The following RBM20 variants were observed in gnomAD, a reference collection of about 807,000 sequenced individuals.
The protein encoded by RBM20 is RNA binding motif protein 20, also known as RNA-binding protein 20.
In RBM20, 51 loss-of-function variants were observed where a neutral mutation model predicts 110.1. That is an observed-to-expected ratio of 0.46 (90% confidence interval 0.37 to 0.59). The LOEUF (loss-of-function observed/expected upper bound fraction) is 0.59. Among genes scored for constraint, RBM20 ranks in the 20% least tolerant of loss-of-function variants. The probability of loss-of-function intolerance (pLI) is 0.00; values close to 1 mark genes in which losing one functional copy is unlikely to be tolerated. For missense variants in RBM20, 1,512 were observed against 1,574.9 expected (o/e 0.96, Z 0.68); for synonymous variants, 589 against 618.2 (o/e 0.95, Z 0.70).
At chr10:110,784,073 G>A (rs1844388338) in intron 3 of RBM20, among the ~76,000 whole-genome samples, 1 of 152,152 alleles carries the variant, frequency 6.6e-6, no homozygotes, top group Non-Finnish European at 1.5e-5. Context: ...GTTGTAATAT[G>A]TACAACCTTT....
Position 110,812,942 on chromosome 10 carries a change from A to T in RBM20, c.2545A>T (p.Asn849Tyr), listed in dbSNP as rs1419975027. 1 of 1,449,090 alleles carries T rather than the reference A, an allele frequency of 6.9e-7. No homozygotes were observed. The highest frequency in any genetic ancestry group is 2.9e-5 in the Admixed American group (1 of 34,740). The allele number at this position is 1,449,090 out of a possible 1,614,324, so 89.8% of individuals were successfully genotyped here. The change falls in exon 9 of 14, where the codon AAT becomes TAT. Residue 849 changes from asparagine (N) to tyrosine (Y), a missense_variant. Asn to Tyr is a moderately radical substitution (Grantham distance 143, BLOSUM62 -2). Transcript: ENST00000369519. ...TAGAAAAGAAAACACAATGGCAGAG[A>T]ATGAGGTAATGATCAATTTCTTCCC... is the stretch of plus-strand genomic sequence containing the variant. ...DDRKENTMAE[N>Y]EAGKEEQEGM... is the part of the protein sequence containing the mutation.
At chr10:110,659,752 T>TTCTTCC (rs1382813847) in intron 1 of RBM20, among the ~76,000 whole-genome samples, 1 of 151,720 alleles carries the variant, frequency 6.6e-6, no homozygotes. Context: ...CTTCCTCTTC[T>TTCTTCC]TCTTCCTCTT....
rs944650045 is a variant in RBM20, at chr10:110,647,964, G to A, written c.191+3319G>A. On this transcript the variant is annotated intron_variant, in intron 1 of 13. Coordinates refer to ENST00000369519, the MANE Select transcript of RBM20 (RefSeq NM_001134363.3). ...CATGGAGGAAAGAAACCAAACACGT[G>A]CACCCCTCTTATGAAGTGAATGTAG... is the stretch of plus-strand genomic sequence containing the variant. 2.0e-5 allele frequency among the ~76,000 whole-genome samples: 3 copies of A among 152,260 alleles called. No individual in the cohort carries two copies. The East Asian group carries it at 5.8e-4, about 29-fold the overall frequency.
At chr10:110,810,029 C>G (rs1022580282) in intron 7 of RBM20, among the ~76,000 whole-genome samples, 1 of 152,170 alleles carries the variant, frequency 6.6e-6, no homozygotes, top group African/African-American at 2.4e-5. Flanking sequence ...TGCCTGCCTT[C>G]CTTCCCTCCC....
intron 1 of RBM20, among the ~76,000 whole-genome samples, chr10:110,654,983 C>G (rs539024291): frequency 6.6e-6 from 1 of 152,288 alleles, no homozygotes; most frequent in Non-Finnish European, 1.5e-5. Flanking sequence ...TTCTCCCCAT[C>G]ATGCAGATGA....
intron 1 of RBM20, among the ~76,000 whole-genome samples, chr10:110,735,068 A>G (rs1843657340): frequency 6.6e-6 from 1 of 152,212 alleles, no homozygotes. Context: ...CTGTCGAGGT[A>G]TCGCAGGGCT....
chr10:110,831,007 G>A, intron 12 of RBM20, 54 bp from the exon 13 acceptor site: 1 of 1,498,384 alleles, frequency 6.7e-7, no homozygotes, highest in African/African-American at 1.4e-5. Flanking sequence ...GGACACAGGG[G>A]CCTGCCTCCC....
intron 1 of RBM20, among the ~76,000 whole-genome samples, chr10:110,670,613 A>G (rs562440257): frequency 2.2e-4 from 33 of 152,308 alleles, no homozygotes; most frequent in South Asian, 8.3e-4. Flanking sequence ...TGCCAGCATG[A>G]TCCTCCTTCC....
Position 110,821,865 on chromosome 10 carries a change from G to T in RBM20, c.3246G>T (p.Leu1082=). 1 of 1,551,740 alleles carries T rather than the reference G, an allele frequency of 6.4e-7. No individual in the cohort carries two copies. The highest frequency in any genetic ancestry group is 1.4e-5 in the African/African-American group (1 of 73,176). The change falls in exon 11 of 14, where the codon CTG becomes CTT. Residue 1082 remains leucine, a synonymous_variant. Coordinates refer to ENST00000369519, the MANE Select transcript of RBM20 (RefSeq NM_001134363.3). The part of the protein sequence containing the change: ...PEDGACEGSP[L]EEKASPPIET... ...ATGGGGCTTGTGAAGGCAGCCCCCT[G>T]GAGGAGAAAGCCAGCCCCCCCATCG...
At chr10:110,648,714 A>AGGG (rs11425051) in intron 1 of RBM20, among the ~76,000 whole-genome samples, 16 of 145,984 alleles carry the variant, frequency 1.1e-4, no homozygotes, top group African/African-American at 4.2e-4. Flanking sequence ...AGGGAAGAAA[A>AGGG]GGGGGGGGTG....
At chr10:110,721,000 C>T (rs955562130) in intron 1 of RBM20, among the ~76,000 whole-genome samples, 1 of 152,214 alleles carries the variant, frequency 6.6e-6, no homozygotes, top group Non-Finnish European at 1.5e-5. Context: ...GACCTTCGCT[C>T]CCTGCTGCCT....
chr10:110,809,932 C>G (rs1844743317), intron 7 of RBM20, among the ~76,000 whole-genome samples: 1 of 152,192 alleles, frequency 6.6e-6, no homozygotes, highest in Admixed American at 6.5e-5. Flanking sequence ...CCTGCCTCAA[C>G]CTCTCTGGCT....
chr10:110,795,759 T>C (rs1343644424), intron 5 of RBM20, among the ~76,000 whole-genome samples: 1 of 152,232 alleles, frequency 6.6e-6, no homozygotes, highest in Non-Finnish European at 1.5e-5. Flanking sequence ...GGTTGGCTTA[T>C]GGTTACTAAT....
At chr10:110,766,908 A>G (rs1207424084) in intron 1 of RBM20, among the ~76,000 whole-genome samples, 2 of 147,878 alleles carry the variant, frequency 1.4e-5, no homozygotes, top group African/African-American at 5.0e-5. Context: ...GCGGCCGGGC[A>G]GAGGCGCCCC....
At chr10:110,664,677 G>A (rs1220653539) in intron 1 of RBM20, among the ~76,000 whole-genome samples, 3 of 152,096 alleles carry the variant, frequency 2.0e-5, no homozygotes, top group Non-Finnish European at 1.5e-5. Flanking sequence ...AACCTGGGAG[G>A]TGGAGGTTGC....
intron 11 of RBM20, 28 bp from the exon 12 acceptor site, chr10:110,823,452 T>TCTTTG: frequency 4.4e-6 from 4 of 898,984 alleles, no homozygotes; most frequent in Admixed American, 5.8e-5. Context: ...TTTTTTTTTT[T>TCTTTG]TTTTTTGCCT....
chr10:110,769,898 T>C (rs1383488371), intron 1 of RBM20, among the ~76,000 whole-genome samples: 3 of 152,078 alleles, frequency 2.0e-5, no homozygotes, highest in Non-Finnish European at 2.9e-5. Flanking sequence ...TAAAAAATTT[T>C]TTTAGAGACA....
intron 7 of RBM20, among the ~76,000 whole-genome samples, chr10:110,807,248 C>G (rs1477761292): frequency 6.6e-6 from 1 of 152,218 alleles, no homozygotes; most frequent in African/African-American, 2.4e-5. Context: ...GGCCCCCTCA[C>G]TGGGGACCTG....
chr10:110,833,878 C>T (rs1845090168), intron 13 of RBM20, among the ~76,000 whole-genome samples: 1 of 152,202 alleles, frequency 6.6e-6, no homozygotes, highest in Non-Finnish European at 1.5e-5. Context: ...TTTCTGTCAG[C>T]GGCTTTGACA....
Sources: gnomAD v4.1 joint callset for allele counts (sites outside exome capture counted in the v4.1 genomes callset) on GRCh38, gnomAD v4.1.1 for gene constraint, MANE v1.5 for transcripts, NCBI Gene and HGNC (gene_info 2026-07-23, HGNC 2026-07-21) for gene names.